The following CAMSAP1 variants were observed in gnomAD, a reference collection of about 807,000 sequenced individuals.
The protein encoded by CAMSAP1 is calmodulin regulated spectrin associated protein 1, also known as calmodulin-regulated spectrin-associated protein 1.
A neutral mutation model predicts 143.5 loss-of-function variants in CAMSAP1; 58 were observed. The observed-to-expected ratio is 0.40, with a 90% CI of 0.33 to 0.50. CAMSAP1 has a LOEUF of 0.50. Among genes scored for constraint, CAMSAP1 ranks in the 20% least tolerant of loss-of-function variants. The probability of loss-of-function intolerance (pLI) is 0.45; values close to 1 mark genes in which losing one functional copy is unlikely to be tolerated. For synonymous variants in CAMSAP1, 945 were observed against 859.3 expected, an observed-to-expected ratio of 1.10 and a Z score of -1.74; for missense variants, 1,969 against 2,115.7, an observed-to-expected ratio of 0.93 and a Z score of 1.36.
intron 7 of CAMSAP1, among the ~76,000 whole-genome samples, chr9:135,834,221 T>C (rs188150333): frequency 2.6e-5 from 4 of 152,308 alleles, no homozygotes; most frequent in East Asian, 1.9e-4. Flanking sequence ...CAAATTGGTA[T>C]AGCCATTCTG....
intron 7 of CAMSAP1, among the ~76,000 whole-genome samples, chr9:135,840,263 T>G (rs1836291914): frequency 6.6e-6 from 1 of 152,014 alleles, no homozygotes; most frequent in African/African-American, 2.4e-5. Context: ...CCAGAGACAC[T>G]CCCCAGCCTC....
rs1441175544 is a variant in CAMSAP1, at chr9:135,822,987, C to T, written c.1674G>A (p.Glu558=). Residue 558 remains glutamate, a synonymous_variant, in exon 11 of 17, where the codon GAG becomes GAA. Coordinates refer to ENST00000389532, the MANE Select transcript of CAMSAP1 (RefSeq NM_015447.4). This position sits in a 1 kb window ranked among gnomAD's most constrained non-coding sequence, Gnocchi z 6.1. ...AGGCCCGGGGTGAGGCCCTGGGGAACTCCGGGTCAGCCTGCTGGGGAACCA... is the reference window on the plus strand; with the variant it reads ...AGGCCCGGGGTGAGGCCCTGGGGAATTCCGGGTCAGCCTGCTGGGGAACCA... ...ADVVPQQADP[E]FPRASPRALG... The T allele has an allele frequency of 5.6e-6, 9 of 1,613,888 alleles. No individual in the cohort carries two copies. The highest frequency in any genetic ancestry group is 7.6e-6 in the Non-Finnish European group (9 of 1,179,910).
At chr9:135,828,559 T>TA (rs1835754593) in intron 7 of CAMSAP1, among the ~76,000 whole-genome samples, 1 of 152,112 alleles carries the variant, frequency 6.6e-6, no homozygotes, top group South Asian at 2.1e-4. Flanking sequence ...GGTGAGGCCC[T>TA]AGATGGGAAG....
At chr9:135,828,705 G>C (rs115716906) in intron 7 of CAMSAP1, among the ~76,000 whole-genome samples, 30 of 152,308 alleles carry the variant, frequency 2.0e-4, no homozygotes, top group African/African-American at 6.7e-4. Flanking sequence ...CTGGCCCCAC[G>C]CTTAGATGAT....
At chr9:135,836,842 G>A (rs550354405) in intron 7 of CAMSAP1, 16 of 976,900 alleles carry the variant, frequency 1.6e-5, no homozygotes, top group Admixed American at 6.5e-5. Flanking sequence ...CACTTCTACC[G>A]ACACACATCA....
chr9:135,858,721 A>T (rs1217789426), intron 5 of CAMSAP1, among the ~76,000 whole-genome samples: 1 of 152,244 alleles, frequency 6.6e-6, no homozygotes, highest in Non-Finnish European at 1.5e-5. Context: ...CCTGGGTCCA[A>T]GTCTGGAAGC....
At chr9:135,846,127 A>C (rs1836540709) in intron 7 of CAMSAP1, among the ~76,000 whole-genome samples, 1 of 151,390 alleles carries the variant, frequency 6.6e-6, no homozygotes, top group South Asian at 2.1e-4. Context: ...CTGACTTCAA[A>C]CTATACTACA....
At chr9:135,867,417 C>T (rs577592217) in intron 3 of CAMSAP1, among the ~76,000 whole-genome samples, 1 of 151,090 alleles carries the variant, frequency 6.6e-6, no homozygotes, top group Non-Finnish European at 1.5e-5. Context: ...GGCTGAGGCA[C>T]GAAGATCACT....
At chr9:135,823,856 C>T (rs189757754) in intron 10 of CAMSAP1, 94 bp downstream of exon 10, 99 of 944,800 alleles carry the variant, frequency 1.0e-4, no homozygotes, top group Middle Eastern at 1.0e-3. Flanking sequence ...AAAAGGGTCT[C>T]GGTGATCCTC....
chr9:135,856,752 C>A (rs1232895007), intron 5 of CAMSAP1, among the ~76,000 whole-genome samples: 1 of 152,258 alleles, frequency 6.6e-6, no homozygotes, highest in Non-Finnish European at 1.5e-5. Flanking sequence ...TACTTACACT[C>A]CTTGCACAAC....
chr9:135,820,125 G>A lies in CAMSAP1; in HGVS notation c.3822+714C>T, dbSNP rs1474511967. ...GATGGCAGCGCCCCCCACAGGCCTC[G>A]GCTACATCAGCCACTGCTCCTAGAC... On this transcript the variant is annotated intron_variant, in intron 11 of 16. Coordinates refer to ENST00000389532, the MANE Select transcript of CAMSAP1 (RefSeq NM_015447.4). This position sits in a 1 kb window ranked among gnomAD's most constrained non-coding sequence, Gnocchi z 4.4. Among the ~76,000 whole-genome samples the A allele has an allele frequency of 1.3e-5, 2 of 152,110 alleles. No individual in the cohort carries two copies. Among genetic ancestry groups the A allele is most frequent in the African/African-American group, 2.4e-5 (1 of 41,416 alleles).
At position 135,881,722 on chromosome 9, in the gene CAMSAP1, C is replaced by T. The variant is rs751932417; in HGVS notation, c.496G>A (p.Val166Met). 1.3e-6 allele frequency: 2 copies of T among 1,551,868 alleles called. No homozygotes were observed. Among genetic ancestry groups the T allele is most frequent in the African/African-American group, 1.4e-5 (1 of 73,166 alleles). ...TVEMISIEKV[V>M]ASVKRFSTFS... Reference sequence around the variant, plus strand: ...GTTGAGAAGCGCTTGACACTGGCCACCACCTTCTCGATGCTGATCATCTCC... The same window carrying T: ...GTTGAGAAGCGCTTGACACTGGCCATCACCTTCTCGATGCTGATCATCTCC... The change falls in exon 3 of 17, where the codon GTG becomes ATG. Residue 166 changes from valine to methionine, a missense_variant. Around this residue, in one of 4 missense-constraint regions of CAMSAP1, gnomAD observed 221 missense variants for 298.2 expected, o/e 0.74. Coordinates refer to ENST00000389532, the MANE Select transcript of CAMSAP1 (RefSeq NM_015447.4).
chr9:135,882,700 G>C lies in CAMSAP1; in HGVS notation c.423+116C>G. The stretch of plus-strand genomic sequence containing the variant: ...AGGAACGCCAGTGTGCAAAAGCACG[G>C]GTCTCCACCACCTCGCCGCACACCG... On this transcript the variant is annotated intron_variant, in intron 2 of 16. Coordinates refer to ENST00000389532, the MANE Select transcript of CAMSAP1 (RefSeq NM_015447.4). The surrounding 1 kb of genome is among the most constrained non-coding windows in gnomAD (Gnocchi z 4.9). 1 of 1,255,616 alleles carries C rather than the reference G, an allele frequency of 8.0e-7. No individual in the cohort carries two copies. The highest frequency in any genetic ancestry group is 1.1e-6 in the Non-Finnish European group (1 of 926,498). 77.8% of individuals were successfully genotyped at this position (1,255,616 alleles called of 1,614,324 possible). A position where few individuals can be genotyped will look rare whatever the true frequency, so the allele number is the denominator to read the frequency against.
rs116288370 is a variant in CAMSAP1 at position 135,857,926 on chromosome 9, G to C, written c.808+4541C>G. Among the ~76,000 whole-genome samples, 1,267 of 152,270 alleles carry C rather than the reference G, an allele frequency of 8.3e-3. 18 individuals carry two copies. The highest frequency in any genetic ancestry group is 0.029 in the African/African-American group (1,195 of 41,542). ...GGGGTCTGAGGCTAGAGCCTATCTG[G>C]CTCAGTTCTCCTCAAGAGTGTCCCG... On this transcript the variant is annotated intron_variant, in intron 5 of 16. Transcript: ENST00000389532.
At chr9:135,886,296 C>A (rs752465165) in intron 1 of CAMSAP1, among the ~76,000 whole-genome samples, 1 of 152,084 alleles carries the variant, frequency 6.6e-6, no homozygotes, top group Non-Finnish European at 1.5e-5. Flanking sequence ...GTAATTTCCA[C>A]GCAATGTGGA....
chr9:135,830,142 A>G (rs753541901), intron 7 of CAMSAP1, among the ~76,000 whole-genome samples: 5 of 152,228 alleles, frequency 3.3e-5, no homozygotes, highest in East Asian at 1.9e-4. Flanking sequence ...TGAAGATAGC[A>G]AGAGACAAAG....
chr9:135,887,171 C>T (rs771791727), intron 1 of CAMSAP1, among the ~76,000 whole-genome samples: 2 of 152,168 alleles, frequency 1.3e-5, no homozygotes, highest in Non-Finnish European at 2.9e-5. Context: ...CCTGAGGACA[C>T]CAAGCCCACG....
intron 4 of CAMSAP1, chr9:135,865,282 G>A (rs1351771400): frequency 3.9e-6 from 6 of 1,536,224 alleles, no homozygotes; most frequent in South Asian, 3.6e-5. Context: ...GCAAGTGATC[G>A]CGACAGGATG....
Position 135,811,669 on chromosome 9 carries a change from C to G in CAMSAP1, c.4507-58G>C. 1 of 1,505,806 alleles carries G rather than the reference C, an allele frequency of 6.6e-7. No individual in the cohort carries two copies. The highest frequency in any genetic ancestry group is 9.0e-7 in the Non-Finnish European group (1 of 1,114,006). 93.3% of individuals were successfully genotyped at this position (1,505,806 alleles called of 1,614,324 possible). ...CACTTCAGGGCCACTCCAATTGCCA[C>G]GAGTTGGGCTCCCACAGCGGCTCAA... is the stretch of plus-strand genomic sequence containing the variant. On this transcript the variant is annotated intron_variant, in intron 16 of 16. Transcript: ENST00000389532. This position sits in a 1 kb window ranked among gnomAD's most constrained non-coding sequence, Gnocchi z 4.9.
Sources: allele counts gnomAD v4.1 joint callset (sites outside exome capture counted in the v4.1 genomes callset), GRCh38; gene constraint gnomAD v4.1.1; regional missense constraint gnomAD v4.1.1; non-coding constraint Gnocchi (gnomAD v3.1); transcripts MANE v1.5; gene names NCBI Gene and HGNC (gene_info 2026-07-23, HGNC 2026-07-21).